Variants in PCDHA1 observed in about 807,000 individuals in gnomAD.
PCDHA1 encodes the protein protocadherin alpha 1, also known as protocadherin alpha-1.
A neutral mutation model predicts 61.3 loss-of-function variants in PCDHA1; 42 were observed. The ratio of observed to expected loss-of-function variants is 0.69; its 90% CI spans 0.54 to 0.89. PCDHA1 has a LOEUF of 0.89. Among genes scored for constraint, PCDHA1 ranks in the 40% least tolerant of loss-of-function variants. PCDHA1 has a pLI of 0.00. For synonymous variants in PCDHA1, 610 were observed against 553.8 expected (o/e 1.10, Z -1.43); for missense variants, 1,256 against 1,235.3 (o/e 1.02, Z -0.25).
chr5:140,875,987 TA>T (rs1165213326), intron 1 of PCDHA1: 1 of 1,613,914 alleles, frequency 6.2e-7, no homozygotes, highest in East Asian at 2.2e-5. Context: ...ACCTATGCGT[TA>T]AGTCTAAATG....
chr5:140,889,086 A>G (rs1418981044), intron 1 of PCDHA1, among the ~76,000 whole-genome samples: 1 of 151,926 alleles, frequency 6.6e-6, no homozygotes, highest in Non-Finnish European at 1.5e-5. Flanking sequence ...TTAAATTTTC[A>G]AAACAATTTT....
chr5:140,876,979 G>T lies in PCDHA1; in HGVS notation c.2394+88295G>T. ...GGTGGAGCGGCGGGTGGGCGAGCAC[G>T]CACTGTCGAGCTACGTGTCGGTGCA... On this transcript the variant is annotated intron_variant, in intron 1 of 3. Transcript: ENST00000504120. The T allele has an allele frequency of 2.5e-6, 4 of 1,612,614 alleles. No homozygotes were observed. The South Asian group carries it at 3.3e-5, about 13-fold the overall frequency.
intron 1 of PCDHA1, among the ~76,000 whole-genome samples, chr5:140,891,305 C>T (rs2063030266): frequency 6.6e-6 from 1 of 152,042 alleles, no homozygotes; most frequent in South Asian, 2.1e-4. Context: ...TATTTGATTA[C>T]ATGAGTAAGT....
At chr5:140,822,438 A>G (rs149277994) in intron 1 of PCDHA1, 11 of 1,613,682 alleles carry the variant, frequency 6.8e-6, no homozygotes, top group Non-Finnish European at 8.5e-6. Flanking sequence ...AACCCGAACT[A>G]ACAGGTACAG....
At position 140,842,992 on chromosome 5, in the gene PCDHA1, C is replaced by T. The variant is rs144435690; in HGVS notation, c.2394+54308C>T. The T allele has an allele frequency of 5.2e-4, 826 of 1,594,968 alleles. 57 individuals carry two copies. In the African/African-American group the frequency reaches 9.5e-3, roughly 18 times the overall value. On this transcript the variant is annotated intron_variant, in intron 1 of 3. Transcript: ENST00000504120. ...TGACGCTGCAGGTGTTCGTGCTGGA[C>T]GAGAATGACAACGCGCCGGCACTGC...
intron 1 of PCDHA1, among the ~76,000 whole-genome samples, chr5:140,932,902 T>C (rs1276238248): frequency 6.6e-6 from 1 of 152,002 alleles, no homozygotes; most frequent in Non-Finnish European, 1.5e-5. Context: ...AGGGAAACAA[T>C]AATATTTCAA....
At position 140,788,592 on chromosome 5, in the gene PCDHA1, G is replaced by T; in HGVS notation, c.2302G>T (p.Asp768Tyr). Residue 768 changes from aspartate (D) to tyrosine (Y), a missense_variant, in exon 1 of 4, where the codon GAC becomes TAC. Transcript: ENST00000504120. Reference sequence around the variant, plus strand: ...CTCTAGCGAGGGCCCACCCAAGACCGACCTCATGGCCTTCAGCCCAGGCCT... The same window carrying T: ...CTCTAGCGAGGGCCCACCCAAGACCTACCTCATGGCCTTCAGCCCAGGCCT... Reference protein sequence around the residue: ...VCSSEGPPKTDLMAFSPGLSP... With the variant: ...VCSSEGPPKTYLMAFSPGLSP... 1 of 1,614,148 alleles carries T rather than the reference G, an allele frequency of 6.2e-7. No homozygotes were observed. Among genetic ancestry groups the T allele is most frequent in the South Asian group, 1.1e-5 (1 of 91,074 alleles).
At chr5:140,998,295 A>G (rs2097805023) in intron 3 of PCDHA1, among the ~76,000 whole-genome samples, 1 of 152,206 alleles carries the variant, frequency 6.6e-6, no homozygotes, top group Non-Finnish European at 1.5e-5. Context: ...CAGATCACAC[A>G]TTTAGTAAGG....
In PCDHA1 at chr5:140,881,260, A is replaced by G. The variant is rs1223751140; in HGVS notation, c.2394+92576A>G. The G allele has an allele frequency of 7.6e-6, 4 of 528,232 alleles. No individual in the cohort carries two copies. In the African/African-American group the frequency reaches 8.2e-5, roughly 11 times the overall value. The allele number at this position is 528,232 out of a possible 1,614,324, so 32.7% of individuals were successfully genotyped here. On this transcript the variant is annotated intron_variant, in intron 1 of 3. Transcript: ENST00000504120. ...TTTAAATGACGGCAAGGTTTTACTC[A>G]GTGATGATGAAGTAAGATGGAGAGA... is the stretch of plus-strand genomic sequence containing the variant.
intron 1 of PCDHA1, chr5:140,857,011 T>C (rs2044320012): frequency 1.3e-6 from 2 of 1,596,036 alleles, no homozygotes; most frequent in Admixed American, 1.7e-5. Flanking sequence ...ATGTAGATGT[T>C]ACAGATAAGG....
chr5:140,907,582 G>A (rs978225789), intron 1 of PCDHA1, among the ~76,000 whole-genome samples: 1 of 152,190 alleles, frequency 6.6e-6, no homozygotes, highest in Admixed American at 6.5e-5. Flanking sequence ...CAGGTAGCTG[G>A]CTGATCACCC....
chr5:140,968,107 G>A (rs200195064), intron 1 of PCDHA1: 58 of 1,613,992 alleles, frequency 3.6e-5, no homozygotes, highest in African/African-American at 5.3e-5. Context: ...GGGGAATACC[G>A]CAGCTCACAT....
intron 1 of PCDHA1, chr5:140,803,484 G>A: frequency 6.2e-7 from 1 of 1,614,224 alleles, no homozygotes; most frequent in South Asian, 1.1e-5. Flanking sequence ...CTCTGGAGAG[G>A]GGTTGCCCAA....
intron 1 of PCDHA1, chr5:140,928,753 G>A (rs782483181): frequency 1.2e-6 from 2 of 1,614,142 alleles, no homozygotes; most frequent in Non-Finnish European, 8.5e-7. Flanking sequence ...GCTCCGTACT[G>A]CTCGCTTAGT....
At chr5:141,007,806 T>G (rs979059299) in intron 3 of PCDHA1, among the ~76,000 whole-genome samples, 12 of 152,220 alleles carry the variant, frequency 7.9e-5, no homozygotes, top group Non-Finnish European at 1.3e-4. Context: ...TATCTGCCAT[T>G]CATTTGCCTT....
chr5:140,870,932 T>C (rs1428252254), intron 1 of PCDHA1: 1 of 1,613,824 alleles, frequency 6.2e-7, no homozygotes, highest in South Asian at 1.1e-5. Context: ...TCATATGAAT[T>C]GCAGCCGGCG....
chr5:140,841,817 T>G lies in PCDHA1; in HGVS notation c.2394+53133T>G, dbSNP rs142905144. On this transcript the variant is annotated intron_variant, in intron 1 of 3. Coordinates refer to ENST00000504120, the MANE Select transcript of PCDHA1 (RefSeq NM_018900.4). ...GTCCGATGCAGATGTTGGAGCTAAC[T>G]CCGTGTTAACCTACAGGCTTAGCTC... 5.3e-5 allele frequency: 85 copies of G among 1,613,922 alleles called. No individual in the cohort carries two copies. The African/African-American group carries it at 1.1e-3, about 20-fold the overall frequency.
At chr5:140,810,443 T>C (rs1764661683) in intron 1 of PCDHA1, 1 of 152,240 alleles carries the variant, frequency 6.6e-6, no homozygotes, top group Non-Finnish European at 1.5e-5. Context: ...CCTGTTTACA[T>C]TCCTAGTAGT....
intron 1 of PCDHA1, among the ~76,000 whole-genome samples, chr5:140,889,433 G>A (rs994872798): frequency 8.6e-5 from 13 of 151,828 alleles, no homozygotes; most frequent in Non-Finnish European, 1.9e-4. Context: ...TATTTTTTCA[G>A]GTATTTTCCT....
Sources: allele counts gnomAD v4.1 joint callset (sites outside exome capture counted in the v4.1 genomes callset), GRCh38; gene constraint gnomAD v4.1.1; transcripts MANE v1.5; gene names NCBI Gene and HGNC (gene_info 2026-07-23, HGNC 2026-07-21).